Variants in MPRIP observed in about 807,000 individuals in gnomAD.
MPRIP encodes the protein myosin phosphatase Rho-interacting protein.
Under a neutral mutation model 234.9 loss-of-function variants are expected in MPRIP, and 59 were observed. That is an observed-to-expected ratio of 0.25 (90% CI 0.20 to 0.31). The LOEUF (loss-of-function observed/expected upper bound fraction) is 0.31, where lower values mean the gene tolerates loss of function less well. MPRIP is among the 10% of genes least tolerant of loss of function. The probability of loss-of-function intolerance (pLI) is 1.00; values close to 1 mark genes in which losing one functional copy is unlikely to be tolerated. For missense variants in MPRIP, 2,436 were observed against 3,071.0 expected, an observed-to-expected ratio of 0.79 and a Z score of 4.89; for synonymous variants, 1,144 against 1,263.9, an observed-to-expected ratio of 0.91 and a Z score of 2.01.
intron 16 of MPRIP, among the ~76,000 whole-genome samples, chr17:17,169,354 C>T (rs1424119993): frequency 2.0e-5 from 3 of 152,224 alleles, no homozygotes; most frequent in South Asian, 4.1e-4. Flanking sequence ...ACAGCAATGC[C>T]CTGCTTCCTG....
intron 1 of MPRIP, among the ~76,000 whole-genome samples, chr17:17,071,042 C>A (rs2089179505): frequency 6.6e-6 from 1 of 152,188 alleles, no homozygotes; most frequent in Non-Finnish European, 1.5e-5. Context: ...AAACCCTGAC[C>A]CTCCTCTGGG....
intron 3 of MPRIP, among the ~76,000 whole-genome samples, chr17:17,092,401 T>G (rs1446542982): frequency 6.6e-6 from 1 of 152,190 alleles, no homozygotes; most frequent in Non-Finnish European, 1.5e-5. Flanking sequence ...CACTGTGATG[T>G]GCAGAATATG....
chr17:17,109,690 A>G (rs1394103427), intron 3 of MPRIP, among the ~76,000 whole-genome samples: 6 of 152,270 alleles, frequency 3.9e-5, no homozygotes, highest in African/African-American at 1.4e-4. Flanking sequence ...TGCCATCCAG[A>G]TCTTGATTTT....
intron 4 of MPRIP, among the ~76,000 whole-genome samples, chr17:17,130,280 G>T (rs1244328893): frequency 1.3e-5 from 2 of 152,102 alleles, no homozygotes; most frequent in Admixed American, 1.3e-4. Flanking sequence ...CCATCCTGAG[G>T]CTGTCTCAGA....
At chr17:17,181,404 C>T (rs1040952973) in intron 23 of MPRIP, 6 of 152,412 alleles carry the variant, frequency 3.9e-5, no homozygotes, top group African/African-American at 1.4e-4. Context: ...CTCAGGCACA[C>T]CCACAGCACC....
intron 12 of MPRIP, among the ~76,000 whole-genome samples, chr17:17,151,099 G>A (rs933276971): frequency 6.6e-6 from 1 of 151,560 alleles, no homozygotes; most frequent in African/African-American, 2.4e-5. Flanking sequence ...TTGAACCCCT[G>A]GGCTCCAGCG....
intron 3 of MPRIP, among the ~76,000 whole-genome samples, chr17:17,093,660 T>C (rs2089772671): frequency 6.6e-6 from 1 of 152,206 alleles, no homozygotes; most frequent in African/African-American, 2.4e-5. Context: ...TGTACAGTAG[T>C]TCAAAAAGTC....
chr17:17,145,847 G>A (rs182550991), intron 9 of MPRIP, among the ~76,000 whole-genome samples, 189 bp from the exon 10 acceptor site: 80 of 152,320 alleles, frequency 5.3e-4, no homozygotes, highest in African/African-American at 1.6e-3. Flanking sequence ...CCTCAAGGTC[G>A]CGTGTGCCTA....
intron 3 of MPRIP, among the ~76,000 whole-genome samples, chr17:17,105,956 C>T (rs758740871): frequency 3.3e-5 from 5 of 152,266 alleles, no homozygotes; most frequent in Admixed American, 1.3e-4. Flanking sequence ...TGTGGCAAGC[C>T]GTAAGACAAA....
intron 6 of MPRIP, 45 bp downstream of exon 6, chr17:17,136,495 C>A (rs751397302): frequency 1.3e-6 from 2 of 1,551,432 alleles, no homozygotes; most frequent in East Asian, 2.3e-5. Flanking sequence ...AATGGCCCTC[C>A]CTCCCATCAG....
intron 12 of MPRIP, among the ~76,000 whole-genome samples, chr17:17,153,089 C>T (rs140417171): frequency 6.6e-6 from 1 of 152,160 alleles, no homozygotes; most frequent in Non-Finnish European, 1.5e-5. Flanking sequence ...AGGATGGACC[C>T]AGGAGAAGGT....
chr17:17,046,895 C>T lies in MPRIP; in HGVS notation c.123+3924C>T, dbSNP rs140811083. 1.4e-3 allele frequency among the ~76,000 whole-genome samples: 211 copies of T among 152,216 alleles called. 1 individual carries two copies. Among genetic ancestry groups the T allele is most frequent in the South Asian group, 2.1e-3 (10 of 4,822 alleles). ...TGTGTTCCAGTAAAACTTTATTTAC[C>T]GGCAGGGCGCAGTGGCTCATGCCTG... is the stretch of plus-strand genomic sequence containing the variant. On this transcript the variant is annotated intron_variant, in intron 1 of 23. Transcript: ENST00000651222.
At chr17:17,127,331 A>G (rs2090512291) in intron 4 of MPRIP, among the ~76,000 whole-genome samples, 1 of 151,870 alleles carries the variant, frequency 6.6e-6, no homozygotes, top group Non-Finnish European at 1.5e-5. Flanking sequence ...CATCCCCAGC[A>G]CCTCACACCC....
chr17:17,165,006 G>C lies in MPRIP; in HGVS notation c.3415G>C (p.Glu1139Gln), dbSNP rs2045953251. ...GCTCCGGGAAAAGCTGAGGAGAAGA[G>C]AGGCTGACAACCAGAGCCTGGAGCA... ...AELREKLRRR[E>Q]ADNQSLEHSY... The change falls in exon 16 of 24, where the codon GAG becomes CAG. Residue 1139 changes from glutamate (E) to glutamine (Q), a missense_variant. Glu to Gln is a conservative substitution (Grantham distance 29). This residue lies in a region of MPRIP where 1,998 missense variants were observed against 2,520.3 expected (regional missense o/e 0.79). Coordinates refer to ENST00000651222, the MANE Select transcript of MPRIP (RefSeq NM_001364716.4). 32 of 1,301,904 alleles carry C rather than the reference G, an allele frequency of 2.5e-5. No homozygotes were observed. Among genetic ancestry groups the C allele is most frequent in the Non-Finnish European group, 3.1e-5 (31 of 988,840 alleles). The allele number at this position is 1,301,904 out of a possible 1,614,324, so 80.6% of individuals were successfully genotyped here.
chr17:17,066,777 T>C (rs12602839), intron 1 of MPRIP, among the ~76,000 whole-genome samples: 1 of 112,992 alleles, frequency 8.9e-6, no homozygotes, highest in Non-Finnish European at 1.7e-5. Context: ...TTTGAGACAG[T>C]GTCTTGCCCT....
At chr17:17,143,755 C>A in intron 9 of MPRIP, 86 bp downstream of exon 9, 1 of 839,414 alleles carries the variant, frequency 1.2e-6, no homozygotes, top group East Asian at 3.1e-5. Flanking sequence ...TCTATGCGTC[C>A]ATGCCAGCTG....
intron 3 of MPRIP, among the ~76,000 whole-genome samples, chr17:17,088,449 G>A (rs1000449843): frequency 6.6e-6 from 1 of 152,252 alleles, no homozygotes; most frequent in Non-Finnish European, 1.5e-5. Context: ...TTAAGTAAGA[G>A]CGGGGAAAGA....
At chr17:17,074,411 G>T (rs2089276890) in intron 1 of MPRIP, among the ~76,000 whole-genome samples, 2 of 152,332 alleles carry the variant, frequency 1.3e-5, no homozygotes, top group South Asian at 2.1e-4. Flanking sequence ...AAATATAGCA[G>T]TGCCTCACAT....
At chr17:17,105,296 CAGGCAGCCCCTGTT>C in intron 3 of MPRIP, among the ~76,000 whole-genome samples, 1 of 152,330 alleles carries the variant, frequency 6.6e-6, no homozygotes, top group East Asian at 1.9e-4. Flanking sequence ...CCAGCACCCC[CAGGCAGCCCCTGTT>C]GCTGCTCTCT....
Sources: allele counts gnomAD v4.1 joint callset (sites outside exome capture counted in the v4.1 genomes callset), GRCh38; gene constraint gnomAD v4.1.1; regional missense constraint gnomAD v4.1.1; transcripts MANE v1.5; gene names NCBI Gene and HGNC (gene_info 2026-07-23, HGNC 2026-07-21).